Variants in CEP85L observed in about 807,000 individuals in gnomAD.
CEP85L encodes centrosomal protein 85L.
CEP85L carries 60 observed loss-of-function variants against 100.3 expected under a neutral mutation model. The ratio of observed to expected loss-of-function variants is 0.60; its 90% CI spans 0.49 to 0.74. CEP85L has a LOEUF of 0.74. Ranked by LOEUF, CEP85L falls within the 30% of genes least tolerant of loss-of-function variation. CEP85L has a pLI of 0.00. For missense variants in CEP85L, 973 were observed against 936.2 expected, an observed-to-expected ratio of 1.04 and a Z score of -0.51; for synonymous variants, 319 against 322.7, an observed-to-expected ratio of 0.99 and a Z score of 0.12.
At chr6:118,639,721 T>G (rs890727279) in intron 1 of CEP85L, among the ~76,000 whole-genome samples, 1 of 152,336 alleles carries the variant, frequency 6.6e-6, no homozygotes, top group Admixed American at 6.5e-5. Context: ...TAGTGTCCAG[T>G]ACCTAGCAAA....
intron 1 of CEP85L, among the ~76,000 whole-genome samples, chr6:118,640,436 A>AG (rs1774789089): frequency 1.3e-5 from 2 of 152,180 alleles, no homozygotes; most frequent in African/African-American, 4.8e-5. Flanking sequence ...TCTGTGCCTC[A>AG]ATTTCTTCAT....
intron 2 of CEP85L, among the ~76,000 whole-genome samples, chr6:118,602,255 G>A (rs1781824512): frequency 6.6e-6 from 1 of 152,158 alleles, no homozygotes; most frequent in Non-Finnish European, 1.5e-5. Flanking sequence ...AGTTTCAACA[G>A]AAGGTAAATG....
intron 10 of CEP85L, among the ~76,000 whole-genome samples, chr6:118,473,311 C>T (rs192428843): frequency 1.3e-5 from 2 of 151,976 alleles, no homozygotes; most frequent in Non-Finnish European, 2.9e-5. Flanking sequence ...GAACAGAGCA[C>T]AGTAAGGGTC....
chr6:118,659,129 C>A (rs748102270), intron 1 of CEP85L, among the ~76,000 whole-genome samples: 21 of 152,088 alleles, frequency 1.4e-4, no homozygotes, highest in Non-Finnish European at 2.9e-4. Flanking sequence ...ATGTTCTATG[C>A]ACCTTGAATC....
At chr6:118,569,179 T>TA (rs2115016170) in intron 2 of CEP85L, among the ~76,000 whole-genome samples, 1 of 151,440 alleles carries the variant, frequency 6.6e-6, no homozygotes, top group African/African-American at 2.4e-5. Flanking sequence ...CCATCTCTAC[T>TA]AAAAATACAA....
chr6:118,524,893 A>G (rs1776875922), intron 3 of CEP85L, among the ~76,000 whole-genome samples: 1 of 152,144 alleles, frequency 6.6e-6, no homozygotes, highest in Non-Finnish European at 1.5e-5. Flanking sequence ...AGCCATGGGG[A>G]ATTCCTGCCT....
At chr6:118,688,139 C>A (rs1184194203) in intron 1 of CEP85L, among the ~76,000 whole-genome samples, 1 of 152,016 alleles carries the variant, frequency 6.6e-6, no homozygotes, top group Non-Finnish European at 1.5e-5. Context: ...TGCGCAAGGA[C>A]CCCCCAGTAA....
rs555370378 is a variant in CEP85L at position 118,621,689 on chromosome 6, T to G, written c.232+10764A>C. Reference sequence around the variant, plus strand: ...GAGGCCCAGCTCTGCCAACAACAAATTAAATATCTAGGCTTAAACCTAGCC... The same window carrying G: ...GAGGCCCAGCTCTGCCAACAACAAAGTAAATATCTAGGCTTAAACCTAGCC... On this transcript the variant is annotated intron_variant, in intron 2 of 12. Coordinates refer to ENST00000368491, the MANE Select transcript of CEP85L (RefSeq NM_001042475.3). 2.6e-5 allele frequency among the ~76,000 whole-genome samples: 4 copies of G among 152,296 alleles called. No individual in the cohort carries two copies. In the South Asian group the frequency reaches 8.3e-4, roughly 32 times the overall value.
At chr6:118,645,271 G>C (rs1386110348) in intron 1 of CEP85L, among the ~76,000 whole-genome samples, 1 of 152,086 alleles carries the variant, frequency 6.6e-6, no homozygotes, top group East Asian at 1.9e-4. Context: ...GCTACTCAAG[G>C]AGCTCTGCCC....
intron 1 of CEP85L, among the ~76,000 whole-genome samples, chr6:118,705,559 T>C (rs1777568102): frequency 6.6e-6 from 1 of 152,224 alleles, no homozygotes; most frequent in South Asian, 2.1e-4. Context: ...CTTAACATTG[T>C]TGAGTTGTGA....
chr6:118,598,681 C>G (rs1781575134), intron 2 of CEP85L, among the ~76,000 whole-genome samples: 1 of 152,162 alleles, frequency 6.6e-6, no homozygotes, highest in South Asian at 2.1e-4. Flanking sequence ...GGGAGCATGG[C>G]CCTGCCAACA....
rs745842728 is a variant in CEP85L at position 118,481,763 on chromosome 6, C to A, written c.1745+16G>T. 3.4e-6 allele frequency: 5 copies of A among 1,468,080 alleles called. No homozygotes were observed. In the African/African-American group the frequency reaches 4.4e-5, roughly 13 times the overall value. The allele number at this position is 1,468,080 out of a possible 1,614,324, so 90.9% of individuals were successfully genotyped here. A position where few individuals can be genotyped will look rare whatever the true frequency, so the allele number is the denominator to read the frequency against. On this transcript the variant is annotated intron_variant, in intron 8 of 12. Coordinates refer to ENST00000368491, the MANE Select transcript of CEP85L (RefSeq NM_001042475.3). ...ACGAATAAAATAATGTAGAAGGATT[C>A]AGAAAATTTTCTTACCTCTGAACGG...
intron 2 of CEP85L, among the ~76,000 whole-genome samples, chr6:118,619,577 G>A (rs1005121894): frequency 5.9e-5 from 9 of 152,090 alleles, no homozygotes; most frequent in African/African-American, 1.9e-4. Flanking sequence ...GAGGCACACC[G>A]AAAAGAAAAC....
chr6:118,650,534 A>C (rs2115383254), intron 1 of CEP85L, among the ~76,000 whole-genome samples: 1 of 152,298 alleles, frequency 6.6e-6, no homozygotes, highest in Non-Finnish European at 1.5e-5. Context: ...CCGGTTGCTC[A>C]ATGGTCCATT....
At position 118,469,229 on chromosome 6, in the gene CEP85L, T is replaced by G. The variant is rs780805462; in HGVS notation, c.2097A>C (p.Thr699=). 1 of 1,613,992 alleles carries G rather than the reference T, an allele frequency of 6.2e-7. No individual in the cohort carries two copies. The highest frequency in any genetic ancestry group is 1.3e-5 in the African/African-American group (1 of 74,924). Residue 699 remains threonine, a synonymous_variant, in exon 12 of 13, where the codon ACA becomes ACC. Coordinates refer to ENST00000368491, the MANE Select transcript of CEP85L (RefSeq NM_001042475.3). Reference sequence around the variant, plus strand: ...CAAATAGTGGCCGTTTGGAAAGAACTGTCTGCTGCCTAGATTGGTCAGGTT... The same window carrying G: ...CAAATAGTGGCCGTTTGGAAAGAACGGTCTGCTGCCTAGATTGGTCAGGTT... ...GQEPDQSRQQ[T]VLSKRPLFDL...
chr6:118,525,302 G>C (rs1483867557), intron 3 of CEP85L, among the ~76,000 whole-genome samples: 2 of 152,140 alleles, frequency 1.3e-5, no homozygotes, highest in Non-Finnish European at 2.9e-5. Context: ...TTCTTCCGTT[G>C]AAAAAGCAGC....
chr6:118,563,164 G>C (rs1007276351), intron 3 of CEP85L, among the ~76,000 whole-genome samples: 1 of 152,152 alleles, frequency 6.6e-6, no homozygotes, highest in African/African-American at 2.4e-5. Context: ...TAAACCATCT[G>C]AGGGCATAAT....
intron 2 of CEP85L, among the ~76,000 whole-genome samples, chr6:118,630,752 G>C (rs750003353): frequency 3.9e-5 from 6 of 152,140 alleles, no homozygotes; most frequent in Admixed American, 2.6e-4. Flanking sequence ...AACCAGCACC[G>C]GTCAGTGGCC....
chr6:118,565,209 T>A (rs1235212427), intron 3 of CEP85L: 1 of 300,254 alleles, frequency 3.3e-6, no homozygotes, highest in African/African-American at 2.2e-5. Flanking sequence ...CTTTCTATTA[T>A]ACCTATGCTA....
Sources: gnomAD v4.1 joint callset for allele counts (sites outside exome capture counted in the v4.1 genomes callset) on GRCh38, gnomAD v4.1.1 for gene constraint, MANE v1.5 for transcripts, NCBI Gene and HGNC (gene_info 2026-07-23, HGNC 2026-07-21) for gene names.